Variants in ACOT8 observed in about 807,000 individuals in gnomAD.
ACOT8 encodes the protein acyl-CoA thioesterase 8.
Under a neutral mutation model 38.4 loss-of-function variants are expected in ACOT8, and 31 were observed. The observed-to-expected ratio is 0.81, with a 90% CI of 0.61 to 1.09. The LOEUF (loss-of-function observed/expected upper bound fraction) is 1.09, where lower values mean the gene tolerates loss of function less well. Among genes scored for constraint, ACOT8 ranks in the 50% least tolerant of loss-of-function variants. The pLI, the probability that ACOT8 is intolerant of heterozygous loss-of-function variation, is 0.00. For missense variants in ACOT8, 373 were observed against 421.8 expected, an observed-to-expected ratio of 0.88 and a Z score of 1.01; for synonymous variants, 158 against 170.3, an observed-to-expected ratio of 0.93 and a Z score of 0.56.
At chr20:45,845,079 G>A (rs1179121589) in intron 3 of ACOT8, among the ~76,000 whole-genome samples, 1 of 152,044 alleles carries the variant, frequency 6.6e-6, no homozygotes, top group Non-Finnish European at 1.5e-5. Context: ...ACTGTGCCTG[G>A]CTAACATTTT....
At chr20:45,848,933 A>G (rs999628407) in intron 2 of ACOT8, 1 of 397,932 alleles carries the variant, frequency 2.5e-6, no homozygotes. Context: ...TGGCTCCACC[A>G]CTCACCAGCC....
Position 45,844,329 on chromosome 20 carries a change from G to C in ACOT8, c.580C>G (p.Pro194Ala). The C allele has an allele frequency of 6.2e-7, 1 of 1,614,194 alleles. No homozygotes were observed. Among genetic ancestry groups the C allele is most frequent in the African/African-American group, 1.3e-5 (1 of 75,044 alleles). Residue 194 changes from proline to alanine, a missense_variant, in exon 4 of 6, where the codon CCC (proline) becomes GCC (alanine). Coordinates refer to ENST00000217455, the MANE Select transcript of ACOT8 (RefSeq NM_005469.4). Reference sequence around the variant, plus strand: ...TCCATTCTCTGCAGCTGGCTCAGGGGGGATGGGTTTACTGGCTTGATCTCA... The same window carrying C: ...TCCATTCTCTGCAGCTGGCTCAGGGCGGATGGGTTTACTGGCTTGATCTCA... ...PIEIKPVNPS[P>A]LSQLQRMEPK...
rs770426198 is a variant in ACOT8 at position 45,844,327 on chromosome 20, G to T, written c.582C>A (p.Pro194=). The change falls in exon 4 of 6, where the codon CCC becomes CCA. Residue 194 remains proline, a synonymous_variant. Transcript: ENST00000217455. ...GCTCCATTCTCTGCAGCTGGCTCAGGGGGGATGGGTTTACTGGCTTGATCT... is the reference window on the plus strand; with the variant it reads ...GCTCCATTCTCTGCAGCTGGCTCAGTGGGGATGGGTTTACTGGCTTGATCT... ...PIEIKPVNPS[P]LSQLQRMEPK... is the part of the protein sequence containing the mutation. The T allele has an allele frequency of 2.0e-5, 32 of 1,614,050 alleles. 1 individual carries two copies. In the South Asian group the frequency reaches 3.4e-4, roughly 17 times the overall value.
At chr20:45,842,530 G>A in intron 5 of ACOT8, 1 of 1,009,406 alleles carries the variant, frequency 9.9e-7, no homozygotes, top group Non-Finnish European at 1.2e-6. Context: ...CAGAAGAGAG[G>A]ACTTGAGGCC....
chr20:45,845,920 C>T (rs1208707041), intron 3 of ACOT8, among the ~76,000 whole-genome samples: 1 of 151,888 alleles, frequency 6.6e-6, no homozygotes, highest in Admixed American at 6.6e-5. Flanking sequence ...CAACCTCTGC[C>T]CCCTGGGTCC....
chr20:45,849,769 C>T (rs1984947447), intron 2 of ACOT8, among the ~76,000 whole-genome samples: 1 of 152,052 alleles, frequency 6.6e-6, no homozygotes, highest in South Asian at 2.1e-4. Flanking sequence ...CTTGTTGTAG[C>T]AGGAAGTCAA....
At chr20:45,851,365 G>A (rs1299712165) in intron 2 of ACOT8, among the ~76,000 whole-genome samples, 3 of 151,776 alleles carry the variant, frequency 2.0e-5, no homozygotes. Context: ...AAACTTGGGG[G>A]GAAAAAACAA....
intron 2 of ACOT8, chr20:45,849,253 G>A (rs1251488200): frequency 6.6e-6 from 1 of 152,116 alleles, no homozygotes; most frequent in Non-Finnish European, 1.5e-5. Context: ...TCTTTTTTGA[G>A]AACAAACAAA....
rs756689298 is a variant in ACOT8 at position 45,843,682 on chromosome 20, T to A, written c.686A>T (p.Tyr229Phe). The A allele has an allele frequency of 1.9e-6, 3 of 1,611,918 alleles. No individual in the cohort carries two copies. The highest frequency in any genetic ancestry group is 2.5e-6 in the Non-Finnish European group (3 of 1,178,286). ...DMKMHCCVAA[Y>F]ISDYAFLGTA... ...GCCCAAGAAGGCATAGTCGGAGATA[T>A]AGGCGGCCACGCAGCAGTGCATCTT... is the stretch of plus-strand genomic sequence containing the variant. Residue 229 changes from tyrosine (Y) to phenylalanine (F), a missense_variant, in exon 5 of 6, where the codon TAT becomes TTT. By Grantham distance (22) the Tyr-to-Phe change is conservative (BLOSUM62 3). Transcript: ENST00000217455.
In ACOT8 at chr20:45,841,882, C is replaced by T. The variant is rs1459610894; in HGVS notation, c.916G>A (p.Gly306Ser). The T allele has an allele frequency of 6.2e-7, 1 of 1,611,020 alleles. No homozygotes were observed. The highest frequency in any genetic ancestry group is 1.7e-5 in the Admixed American group (1 of 59,750). The change falls in exon 6 of 6, where the codon GGC (glycine) becomes AGC (serine). Residue 306 changes from glycine (G) to serine (S), a missense_variant. Transcript: ENST00000217455. ...ACCTGGGGCTTCACTCGGATCACGC[C>T]CTCCTGGGCACAGGTCACAGCTAGG... ...GVLAVTCAQE[G>S]VIRVKPQVSE...
At chr20:45,846,130 G>A (rs1568736356) in intron 3 of ACOT8, among the ~76,000 whole-genome samples, 2 of 152,192 alleles carry the variant, frequency 1.3e-5, no homozygotes, top group African/African-American at 4.8e-5. Flanking sequence ...ATGAACCACT[G>A]CGCCCGGACC....
At chr20:45,847,449 T>C (rs534725877) in intron 3 of ACOT8, among the ~76,000 whole-genome samples, 12 of 151,358 alleles carry the variant, frequency 7.9e-5, no homozygotes, top group African/African-American at 2.2e-4. Flanking sequence ...TGGTTTTTTT[T>C]CCCAGGTATG....
Position 45,855,155 on chromosome 20 carries a change from T to C in ACOT8, c.262+4A>G. On this transcript the variant is annotated splice_donor_region_variant and intron_variant, in intron 2 of 5. Coordinates refer to ENST00000217455, the MANE Select transcript of ACOT8 (RefSeq NM_005469.4). ...TGGGTTGGGGCAGGAAGTGGGGGGT[T>C]TACCTGCCCGAACAAAGTAGCAGTG... is the stretch of plus-strand genomic sequence containing the variant. The C allele has an allele frequency of 6.2e-7, 1 of 1,613,832 alleles. No homozygotes were observed.
At chr20:45,846,091 T>C (rs1376028332) in intron 3 of ACOT8, among the ~76,000 whole-genome samples, 1 of 152,100 alleles carries the variant, frequency 6.6e-6, no homozygotes, top group Non-Finnish European at 1.5e-5. Flanking sequence ...CCACCCGCCT[T>C]GGCCTCCCAA....
At chr20:45,843,758 T>C (rs1984453866) in intron 4 of ACOT8, 37 bp from the exon 5 acceptor site, 1 of 1,599,858 alleles carries the variant, frequency 6.3e-7, no homozygotes, top group Non-Finnish European at 8.5e-7. Flanking sequence ...GCTCCTGGGC[T>C]TTCCAGCTCA....
intron 2 of ACOT8, among the ~76,000 whole-genome samples, chr20:45,852,121 G>C (rs897590944): frequency 1.3e-5 from 2 of 151,712 alleles, no homozygotes; most frequent in African/African-American, 4.8e-5. Flanking sequence ...CTCAGCCTCA[G>C]CCTCCCGAGT....
At chr20:45,848,814 G>C (rs138917356) in intron 2 of ACOT8, 139 bp from the exon 3 acceptor site, 677 of 691,202 alleles carry the variant, frequency 9.8e-4, no homozygotes, top group Non-Finnish European at 1.4e-3. Flanking sequence ...CAGGCCCAGG[G>C]ATACAGAGAC....
At chr20:45,854,355 A>G (rs958509026) in intron 2 of ACOT8, among the ~76,000 whole-genome samples, 67 of 145,764 alleles carry the variant, frequency 4.6e-4, no homozygotes, top group Middle Eastern at 3.5e-3. Context: ...GACTACAGGC[A>G]CCCACCACCA....
In ACOT8 at chr20:45,857,353, G is replaced by A; in HGVS notation, c.-38C>T. 3.2e-6 allele frequency: 5 copies of A among 1,560,904 alleles called. No homozygotes were observed. Among genetic ancestry groups the A allele is most frequent in the Non-Finnish European group, 4.3e-6 (5 of 1,154,028 alleles). On this transcript the variant is annotated 5_prime_UTR_variant, in exon 1 of 6. Transcript: ENST00000217455. ...TGCAGGCCCTGCACACCCGCTCCGC[G>A]GAAGACGCGGAGACATACACAGAAC... is the stretch of plus-strand genomic sequence containing the variant.
Sources: allele counts gnomAD v4.1 joint callset (sites outside exome capture counted in the v4.1 genomes callset), GRCh38; gene constraint gnomAD v4.1.1; transcripts MANE v1.5; gene names NCBI Gene and HGNC (gene_info 2026-07-23, HGNC 2026-07-21).